The following MAP3K5 variants were observed in gnomAD, a reference collection of about 807,000 sequenced individuals.
MAP3K5 encodes the protein mitogen-activated protein kinase kinase kinase 5.
MAP3K5 carries 56 observed loss-of-function variants against 158.7 expected under a neutral mutation model. The ratio of observed to expected loss-of-function variants is 0.35; its 90% confidence interval spans 0.28 to 0.44. The LOEUF (loss-of-function observed/expected upper bound fraction) is 0.44. Ranked by LOEUF, MAP3K5 falls within the 20% of genes least tolerant of loss-of-function variation. MAP3K5 has a pLI of 1.00. For missense variants in MAP3K5, 1,294 were observed against 1,674.8 expected (o/e 0.77, Z 3.97); for synonymous variants, 579 against 601.7 (o/e 0.96, Z 0.55).
Position 136,658,172 on chromosome 6 carries a change from G to A in MAP3K5, c.1526+1047C>T, listed in dbSNP as rs747837357. ...TGTGATGAAAACAGCCGAGTCGGTG[G>A]CCTGGGCTCTGAGCGGCTCTGGAAA... is the stretch of plus-strand genomic sequence containing the variant. On this transcript the variant is annotated intron_variant, in intron 9 of 29. Transcript: ENST00000359015. Among the ~76,000 whole-genome samples the A allele has an allele frequency of 5.3e-5, 8 of 152,250 alleles. No individual in the cohort carries two copies. The South Asian group carries it at 1.2e-3, about 24-fold the overall frequency.
chr6:136,742,441 C>CA (rs996325020), intron 1 of MAP3K5, among the ~76,000 whole-genome samples: 2 of 147,786 alleles, frequency 1.4e-5, no homozygotes, highest in African/African-American at 5.0e-5. Flanking sequence ...AAAAAAAAAA[C>CA]AAAAAACAAA....
At chr6:136,711,663 CAAA>C (rs778428048) in intron 2 of MAP3K5, among the ~76,000 whole-genome samples, 2 of 113,242 alleles carry the variant, frequency 1.8e-5, no homozygotes, top group Non-Finnish European at 3.7e-5. Context: ...TCAGACCTCT[CAAA>C]AAAAAAAAGA....
intron 7 of MAP3K5, among the ~76,000 whole-genome samples, chr6:136,674,730 C>G (rs1261843895): frequency 6.6e-6 from 1 of 151,868 alleles, no homozygotes; most frequent in Non-Finnish European, 1.5e-5. Context: ...ACTGTAAATA[C>G]AAGTTGAGTA....
Position 136,604,459 on chromosome 6 carries a change from A to G in MAP3K5, c.2679+750T>C, listed in dbSNP as rs146168680. Among the ~76,000 whole-genome samples, 19 of 152,332 alleles carry G rather than the reference A, an allele frequency of 1.2e-4. No individual in the cohort carries two copies. The East Asian group carries it at 3.5e-3, about 28-fold the overall frequency. The stretch of plus-strand genomic sequence containing the variant: ...TTTTTTTTTAAGTCCTCTGCCTTAG[A>G]AAGTAGCAGATGTGTGAGTTTTACT... On this transcript the variant is annotated intron_variant, in intron 19 of 29. Coordinates refer to ENST00000359015, the MANE Select transcript of MAP3K5 (RefSeq NM_005923.4).
At chr6:136,772,487 G>A (rs1784246937) in intron 1 of MAP3K5, among the ~76,000 whole-genome samples, 1 of 151,562 alleles carries the variant, frequency 6.6e-6, no homozygotes, top group Non-Finnish European at 1.5e-5. Flanking sequence ...CAGTGGCGGG[G>A]GGCTTCTTTT....
rs542446302 is a variant in MAP3K5 at position 136,784,816 on chromosome 6, A to G, written c.448+6894T>C. 9.9e-5 allele frequency among the ~76,000 whole-genome samples: 15 copies of G among 152,276 alleles called. No individual in the cohort carries two copies. The East Asian group carries it at 2.7e-3, about 27-fold the overall frequency. On this transcript the variant is annotated intron_variant, in intron 1 of 29. Coordinates refer to ENST00000359015, the MANE Select transcript of MAP3K5 (RefSeq NM_005923.4). ...CCTTCATTCTAAGGTTATGTCCCCC[A>G]CTAATTTTTTTTTAACATAAAACTT...
intron 1 of MAP3K5, among the ~76,000 whole-genome samples, chr6:136,760,787 T>G (rs945546070): frequency 1.1e-4 from 17 of 152,188 alleles, no homozygotes; most frequent in Non-Finnish European, 1.9e-4. Flanking sequence ...CTGGTCAATG[T>G]GTCGAAACCC....
intron 24 of MAP3K5, among the ~76,000 whole-genome samples, chr6:136,582,384 C>T (rs548965383): frequency 6.6e-6 from 1 of 152,022 alleles, no homozygotes; most frequent in South Asian, 2.1e-4. Flanking sequence ...TGCTTTCCAA[C>T]CTCTAGGCTA....
At chr6:136,607,735 T>C (rs1776161938) in intron 18 of MAP3K5, among the ~76,000 whole-genome samples, 1 of 151,892 alleles carries the variant, frequency 6.6e-6, no homozygotes, top group African/African-American at 2.4e-5. Context: ...CATTCACTCA[T>C]TCATTTAACA....
chr6:136,709,686 A>G (rs1781227326), intron 2 of MAP3K5, among the ~76,000 whole-genome samples: 1 of 152,170 alleles, frequency 6.6e-6, no homozygotes, highest in Non-Finnish European at 1.5e-5. Context: ...ACCCTCTTAC[A>G]TGTCTCCTCC....
intron 25 of MAP3K5, among the ~76,000 whole-genome samples, chr6:136,571,520 T>G (rs542894800): frequency 6.6e-6 from 1 of 152,362 alleles, no homozygotes; most frequent in Non-Finnish European, 1.5e-5. Context: ...TTTTTGTGAC[T>G]GGCTTATTTT....
intron 1 of MAP3K5, among the ~76,000 whole-genome samples, chr6:136,740,277 T>C (rs1782655997): frequency 6.6e-6 from 1 of 152,088 alleles, no homozygotes; most frequent in South Asian, 2.1e-4. Flanking sequence ...AGGTGAAGTG[T>C]TTTTCCCTTC....
Position 136,697,401 on chromosome 6 carries a change from A to G in MAP3K5, c.807-14T>C. 6.3e-7 allele frequency: 1 copy of G among 1,587,472 alleles called. No individual in the cohort carries two copies. Among genetic ancestry groups the G allele is most frequent in the Non-Finnish European group, 8.6e-7 (1 of 1,165,102 alleles). On this transcript the variant is annotated splice_polypyrimidine_tract_variant and intron_variant, in intron 4 of 29. Coordinates refer to ENST00000359015, the MANE Select transcript of MAP3K5 (RefSeq NM_005923.4). ...CGGAAGTACTGGCTGGTAAAAACAC[A>G]CACATTTCAAAGAGTTTGACATTAG...
intron 15 of MAP3K5, among the ~76,000 whole-genome samples, chr6:136,621,963 G>A (rs903325771): frequency 6.6e-6 from 1 of 151,984 alleles, no homozygotes; most frequent in African/African-American, 2.4e-5. Flanking sequence ...GCAGGCACCT[G>A]TAGTCCCAGC....
intron 1 of MAP3K5, among the ~76,000 whole-genome samples, chr6:136,733,056 G>C (rs896152483): frequency 6.6e-5 from 10 of 152,166 alleles, no homozygotes; most frequent in Non-Finnish European, 1.0e-4. Context: ...CTGAAGTACA[G>C]TGGCATAATC....
intron 7 of MAP3K5, 151 bp from the exon 8 acceptor site, chr6:136,669,546 CG>C: frequency 1.7e-6 from 1 of 580,678 alleles, no homozygotes; most frequent in East Asian, 2.9e-5. Context: ...TAGGACTTAA[CG>C]CTTCAGAAAC....
At chr6:136,608,495 G>A (rs985741672) in intron 18 of MAP3K5, among the ~76,000 whole-genome samples, 2 of 152,118 alleles carry the variant, frequency 1.3e-5, no homozygotes, top group African/African-American at 2.4e-5. Context: ...CTTCGTGGAC[G>A]GACTGGGTTG....
chr6:136,697,957 C>T (rs1780676833), intron 4 of MAP3K5, among the ~76,000 whole-genome samples: 1 of 152,198 alleles, frequency 6.6e-6, no homozygotes, highest in African/African-American at 2.4e-5. Context: ...GTTGGCCAGG[C>T]TGGTCTCGAA....
intron 18 of MAP3K5, among the ~76,000 whole-genome samples, chr6:136,607,061 C>T (rs1776132017): frequency 6.6e-6 from 1 of 152,186 alleles, no homozygotes; most frequent in South Asian, 2.1e-4. Context: ...AACCATGCTC[C>T]CCAAAGACGC....
Sources: allele counts gnomAD v4.1 joint callset (sites outside exome capture counted in the v4.1 genomes callset), GRCh38; gene constraint gnomAD v4.1.1; transcripts MANE v1.5; gene names NCBI Gene and HGNC (gene_info 2026-07-23, HGNC 2026-07-21).